Variants in C1R observed in about 807,000 individuals in gnomAD.
C1R encodes complement C1r, also known as complement C1r subcomponent.
C1R carries 15 observed loss-of-function variants against 27.6 expected under a neutral mutation model. That is an observed-to-expected ratio of 0.54 (90% CI 0.36 to 0.84). The LOEUF is 0.84. Ranked by LOEUF, C1R falls within the 40% of genes least tolerant of loss-of-function variation. The probability of loss-of-function intolerance (pLI) is 0.01; values close to 1 mark genes in which losing one functional copy is unlikely to be tolerated. For missense variants in C1R, 544 were observed against 577.9 expected (o/e 0.94, Z 0.60); for synonymous variants, 253 against 228.8 (o/e 1.11, Z -0.95).
intron 9 of C1R, among the ~76,000 whole-genome samples, chr12:7,082,525 GT>G (rs1433558359): frequency 1.3e-5 from 2 of 151,984 alleles, no homozygotes; most frequent in African/African-American, 4.8e-5. Flanking sequence ...TAGAGACAGG[GT>G]TTCACCGTGT....
At position 7,080,949 on chromosome 12, in the gene C1R, G is replaced by A. The variant is rs1384220440; in HGVS notation, c.1701C>T (p.Val567=). The A allele has an allele frequency of 2.5e-6, 4 of 1,613,384 alleles. No individual in the cohort carries two copies. The highest frequency in any genetic ancestry group is 3.4e-6 in the Non-Finnish European group (4 of 1,179,334). The change falls in exon 11 of 11, where the codon GTC becomes GTT. Residue 567 remains valine, a synonymous_variant. Coordinates refer to ENST00000647956, the MANE Select transcript of C1R (RefSeq NM_001733.7). The surrounding 1 kb of genome is among the most constrained non-coding windows in gnomAD (Gnocchi z 4.9). ...TGGGGAGGAGGTTGGGACCCAGGGT[G>A]ACACTATTTTCCAGCTCCAGCAGGG... ...DIALLELENS[V]TLGPNLLPIC... is the part of the protein sequence containing the mutation.
At chr12:7,087,851 G>A (rs1200163134) in intron 7 of C1R, 1 of 155,022 alleles carries the variant, frequency 6.5e-6, no homozygotes, top group Admixed American at 6.5e-5. Flanking sequence ...ACATATCCTA[G>A]GTCTCTTCTT....
intron 9 of C1R, among the ~76,000 whole-genome samples, chr12:7,083,293 A>G (rs1014129748): frequency 0.017 from 275 of 16,264 alleles, 4 homozygotes; most frequent in African/African-American, 0.071. Context: ...TGGTGTTGGT[A>G]GTGATGATGG....
At chr12:7,090,575 G>A (rs775531523) in intron 2 of C1R, among the ~76,000 whole-genome samples, 1 of 152,258 alleles carries the variant, frequency 6.6e-6, no homozygotes, top group South Asian at 2.1e-4. Context: ...CTGGTTGTCT[G>A]TACCCAGCCT....
Position 7,088,594 on chromosome 12 carries a change from A to G in C1R, c.1038+16T>C. 1.4e-6 allele frequency: 1 copy of G among 719,798 alleles called. No homozygotes were observed. Among genetic ancestry groups the G allele is most frequent in the Non-Finnish European group, 2.6e-6 (1 of 385,582 alleles). The allele number at this position is 719,798 out of a possible 1,614,324, so 44.6% of individuals were successfully genotyped here. On this transcript the variant is annotated intron_variant, in intron 7 of 10. Coordinates refer to ENST00000647956, the MANE Select transcript of C1R (RefSeq NM_001733.7). ...GGTGCTGGGCCGGCTCTCTCCCCTCAGCCCTGGGCTCTTACCTCTATGAGC... is the reference window on the plus strand; with the variant it reads ...GGTGCTGGGCCGGCTCTCTCCCCTCGGCCCTGGGCTCTTACCTCTATGAGC...
chr12:7,085,575 T>A (rs1013798029), intron 9 of C1R, among the ~76,000 whole-genome samples: 2 of 152,130 alleles, frequency 1.3e-5, no homozygotes, highest in African/African-American at 4.8e-5. Context: ...GTGGTGGTGA[T>A]GGCAGTGATG....
Position 7,090,243 on chromosome 12 carries a change from A to T in C1R, c.237T>A (p.Ser79=). 1 of 730,892 alleles carries T rather than the reference A, an allele frequency of 1.4e-6. No individual in the cohort carries two copies. Among genetic ancestry groups the T allele is most frequent in the Non-Finnish European group, 2.6e-6 (1 of 391,058 alleles). The allele number at this position is 730,892 out of a possible 1,614,324, so 45.3% of individuals were successfully genotyped here. Residue 79 remains serine (S), a synonymous_variant, in exon 3 of 11, where the codon TCT becomes TCA. Coordinates refer to ENST00000647956, the MANE Select transcript of C1R (RefSeq NM_001733.7). ...EGCFYDYVKI[S]ADKKSLGRFC... ...ACCTCCCCAGGCTTTTCTTATCAGC[A>T]GAGATCTGGTGGAAGAAGGACAGGG...
intron 2 of C1R, among the ~76,000 whole-genome samples, chr12:7,090,553 T>C (rs1385640382): frequency 6.6e-6 from 1 of 152,168 alleles, no homozygotes; most frequent in East Asian, 1.9e-4. Flanking sequence ...TATGGCCTGT[T>C]CCCCTGGGGT....
intron 1 of C1R, 200 bp downstream of exon 1, chr12:7,092,187 G>A: frequency 3.1e-6 from 2 of 639,218 alleles, no homozygotes; most frequent in South Asian, 1.8e-5. Flanking sequence ...ACCATGGCAT[G>A]AGCATCTATG....
Position 7,089,001 on chromosome 12 carries a change from G to C in C1R, c.769-15C>G. 1 of 713,772 alleles carries C rather than the reference G, an allele frequency of 1.4e-6. No homozygotes were observed. The highest frequency in any genetic ancestry group is 2.6e-6 in the Non-Finnish European group (1 of 388,638). 44.2% of individuals were successfully genotyped at this position (713,772 alleles called of 1,614,324 possible). A position where few individuals can be genotyped will look rare whatever the true frequency, so the allele number is the denominator to read the frequency against. ...TTGGCATAGATCTAGTAGGGGAGGAGGGTTTTTTTTTTTCAGCTTGGACGT... is the reference window on the plus strand; with the variant it reads ...TTGGCATAGATCTAGTAGGGGAGGACGGTTTTTTTTTTTCAGCTTGGACGT... On this transcript the variant is annotated splice_polypyrimidine_tract_variant and intron_variant, in intron 5 of 10. Coordinates refer to ENST00000647956, the MANE Select transcript of C1R (RefSeq NM_001733.7).
Position 7,092,401 on chromosome 12 carries a change from G to T in C1R, c.-13C>A, listed in dbSNP as rs755656425. 3.8e-6 allele frequency: 3 copies of T among 780,802 alleles called. No homozygotes were observed. The highest frequency in any genetic ancestry group is 2.3e-4 in the Middle Eastern group (1 of 4,442). 48.4% of individuals were successfully genotyped at this position (780,802 alleles called of 1,614,324 possible). ...CCCTTACTCACATTTCTCAAGGCCCGTGTTGAATCCTGGGCTCTCCCGACA... is the reference window on the plus strand; with the variant it reads ...CCCTTACTCACATTTCTCAAGGCCCTTGTTGAATCCTGGGCTCTCCCGACA... On this transcript the variant is annotated 5_prime_UTR_variant, in exon 1 of 11. Transcript: ENST00000647956.
Position 7,089,633 on chromosome 12 carries a change from G to C in C1R, c.525C>G (p.Ser175=), listed in dbSNP as rs778291125. 2 of 780,948 alleles carry C rather than the reference G, an allele frequency of 2.6e-6. No homozygotes were observed. Among genetic ancestry groups the C allele is most frequent in the Non-Finnish European group, 4.8e-6 (2 of 418,000 alleles). The allele number at this position is 780,948 out of a possible 1,614,324, so 48.4% of individuals were successfully genotyped here. The change falls in exon 4 of 11, where the codon TCC becomes TCG. Residue 175 remains serine, a synonymous_variant. Coordinates refer to ENST00000647956, the MANE Select transcript of C1R (RefSeq NM_001733.7). ...CHNYVGGYFC[S]CRPGYELQED... ...CCTGAAGCTCATAGCCTGGACGGCAGGAACAGAAGTAGCCTCCAACGTAGT... is the reference window on the plus strand; with the variant it reads ...CCTGAAGCTCATAGCCTGGACGGCACGAACAGAAGTAGCCTCCAACGTAGT...
intron 9 of C1R, among the ~76,000 whole-genome samples, chr12:7,084,839 G>A (rs1938114996): frequency 6.7e-6 from 1 of 148,216 alleles, no homozygotes; most frequent in African/African-American, 2.6e-5. Context: ...AATGGTGTTG[G>A]TAATAGTGGT....
Position 7,081,098 on chromosome 12 carries a change from C to T in C1R, c.1552G>A (p.Asp518Asn). The T allele has an allele frequency of 6.2e-7, 1 of 1,614,040 alleles. No homozygotes were observed. Among genetic ancestry groups the T allele is most frequent in the Non-Finnish European group, 8.5e-7 (1 of 1,179,882 alleles). The change falls in exon 11 of 11, where the codon GAT becomes AAT. Residue 518 changes from aspartate to asparagine, a missense_variant. Around this residue, in one of 2 missense-constraint regions of C1R, gnomAD observed 253 missense variants for 368.9 expected, o/e 0.69. Transcript: ENST00000647956. ...EHEAQSNASL[D>N]VFLGHTNVEE... ...ACATTTGTGTGGCCCAGGAACACAT[C>T]CAAAGAGGCGTTGCTTTGCGCTTCG...
intron 8 of C1R, 73 bp from the exon 9 acceptor site, chr12:7,086,089 T>A (rs1355149832): frequency 2.5e-6 from 1 of 398,372 alleles, no homozygotes; most frequent in Non-Finnish European, 4.4e-6. Context: ...GAGTGTGAGT[T>A]GTCTACCTGC....
At chr12:7,081,357 C>T (rs947043230) in intron 10 of C1R, 56 bp from the exon 11 acceptor site, 7 of 1,492,284 alleles carry the variant, frequency 4.7e-6, no homozygotes, top group East Asian at 2.4e-5. Flanking sequence ...CACATCTCTT[C>T]CTTCTGCAGC....
At chr12:7,082,229 G>T in intron 9 of C1R, 123 bp from the exon 10 acceptor site, 1 of 684,508 alleles carries the variant, frequency 1.5e-6, no homozygotes, top group Non-Finnish European at 2.7e-6. Context: ...AACATGGCAA[G>T]GGCCAAAGGT....
At position 7,080,664 on chromosome 12, in the gene C1R, G is replaced by A; in HGVS notation, c.1986C>T (p.Asp662=). Residue 662 remains aspartate (D), a synonymous_variant, in exon 11 of 11, where the codon GAC becomes GAT. Coordinates refer to ENST00000647956, the MANE Select transcript of C1R (RefSeq NM_001733.7). This position sits in a 1 kb window ranked among gnomAD's most constrained non-coding sequence, Gnocchi z 4.9. The part of the protein sequence containing the change: ...GDSGGVFAVR[D]PNTDRWVATG... Reference sequence around the variant, plus strand: ...TGGCCACCCAGCGATCAGTGTTCGGGTCCCTTACTGCAAAAACGCCCCCAC... The same window carrying A: ...TGGCCACCCAGCGATCAGTGTTCGGATCCCTTACTGCAAAAACGCCCCCAC... 1 of 1,613,914 alleles carries A rather than the reference G, an allele frequency of 6.2e-7. No individual in the cohort carries two copies. The highest frequency in any genetic ancestry group is 8.5e-7 in the Non-Finnish European group (1 of 1,179,876).
rs773610671 is a variant in C1R, at chr12:7,089,578, C to T, written c.571+9G>A. ...ACCCCTTCCCCTCTGCTACACCACTCTGGCTCACCCTGGCAGGAATGCCTG... is the reference window on the plus strand; with the variant it reads ...ACCCCTTCCCCTCTGCTACACCACTTTGGCTCACCCTGGCAGGAATGCCTG... On this transcript the variant is annotated intron_variant, in intron 4 of 10. Coordinates refer to ENST00000647956, the MANE Select transcript of C1R (RefSeq NM_001733.7). 1.3e-5 allele frequency: 10 copies of T among 780,772 alleles called. No individual in the cohort carries two copies. The highest frequency in any genetic ancestry group is 2.2e-5 in the Non-Finnish European group (9 of 417,994). 48.4% of individuals were successfully genotyped at this position (780,772 alleles called of 1,614,324 possible). A position where few individuals can be genotyped will look rare whatever the true frequency, so the allele number is the denominator to read the frequency against.
Sources: gnomAD v4.1 joint callset for allele counts (sites outside exome capture counted in the v4.1 genomes callset) on GRCh38, gnomAD v4.1.1 for gene constraint, gnomAD v4.1.1 regional missense constraint, Gnocchi (gnomAD v3.1) non-coding constraint, MANE v1.5 for transcripts, NCBI Gene and HGNC (gene_info 2026-07-23, HGNC 2026-07-21) for gene names.